The following SPAG16 variants were observed in gnomAD, a reference collection of about 807,000 sequenced individuals.
SPAG16 encodes sperm-associated antigen 16 protein.
In SPAG16, 86 loss-of-function variants were observed where a neutral mutation model predicts 80.4. That is an observed-to-expected ratio of 1.07 (90% CI 0.90 to 1.28). The LOEUF (loss-of-function observed/expected upper bound fraction) is 1.28, where lower values mean the gene tolerates loss of function less well. SPAG16 is among the 50% of genes most tolerant of loss of function. The pLI, the probability that SPAG16 is intolerant of heterozygous loss-of-function variation, is 0.00. For synonymous variants in SPAG16, 294 were observed against 265.9 expected (o/e 1.11, Z -1.03); for missense variants, 870 against 765.3 (o/e 1.14, Z -1.61).
intron 1 of SPAG16, among the ~76,000 whole-genome samples, chr2:213,293,365 C>A (rs998849446): frequency 1.3e-5 from 2 of 152,202 alleles, no homozygotes; most frequent in African/African-American, 2.4e-5. Flanking sequence ...AATATTCATG[C>A]TCTTGTGTAA....
chr2:213,489,824 A>G (rs1290421292), intron 9 of SPAG16, 139 bp from the exon 10 acceptor site: 1 of 592,906 alleles, frequency 1.7e-6, no homozygotes, highest in Admixed American at 4.2e-5. Context: ...TCTCAAAACT[A>G]AAATTGGAAA....
chr2:214,023,356 C>T (rs1163777185), intron 13 of SPAG16, among the ~76,000 whole-genome samples: 1 of 151,282 alleles, frequency 6.6e-6, no homozygotes, highest in Non-Finnish European at 1.5e-5. Context: ...CACATCTTTC[C>T]CTAGAGGAGT....
chr2:213,653,184 G>GAT (rs1347017968), intron 10 of SPAG16, among the ~76,000 whole-genome samples: 1 of 152,142 alleles, frequency 6.6e-6, no homozygotes, highest in East Asian at 1.9e-4. Flanking sequence ...TTAGCTTCAT[G>GAT]TGCAAACGAC....
rs373810117 is a variant in SPAG16 at position 214,136,269 on chromosome 2, A to C, written c.1594-12871A>C. Among the ~76,000 whole-genome samples the C allele has an allele frequency of 1.6e-4, 25 of 152,298 alleles. 1 individual carries two copies. In the East Asian group the frequency reaches 4.1e-3, roughly 25 times the overall value. ...TTTCAACATGAGACTTAGTGGGGCC[A>C]CACTAACCATATCCAAACCATAGCA... On this transcript the variant is annotated intron_variant, in intron 14 of 15. Transcript: ENST00000331683.
chr2:213,912,940 G>A (rs1040757972), intron 11 of SPAG16, among the ~76,000 whole-genome samples: 4 of 152,004 alleles, frequency 2.6e-5, no homozygotes, highest in African/African-American at 4.8e-5. Context: ...ATCATTTATA[G>A]GATAGAAATC....
At chr2:213,810,352 T>TG (rs1360710938) in intron 10 of SPAG16, among the ~76,000 whole-genome samples, 6 of 152,184 alleles carry the variant, frequency 3.9e-5, no homozygotes, top group Admixed American at 3.9e-4. Context: ...AGAAAGAGTA[T>TG]GAGGTCTCCC....
chr2:213,740,709 G>A (rs1185404324), intron 10 of SPAG16, among the ~76,000 whole-genome samples: 2 of 152,246 alleles, frequency 1.3e-5, no homozygotes, highest in African/African-American at 4.8e-5. Flanking sequence ...CTCAGTGAGA[G>A]GCTGTGGCAA....
intron 10 of SPAG16, among the ~76,000 whole-genome samples, chr2:213,781,443 C>A (rs2069960260): frequency 6.6e-6 from 1 of 152,074 alleles, no homozygotes; most frequent in Non-Finnish European, 1.5e-5. Context: ...TTCTTCCTGC[C>A]TTCTTAATGC....
At chr2:213,862,653 T>C in intron 11 of SPAG16, 25 bp downstream of exon 11, 1 of 1,612,622 alleles carries the variant, frequency 6.2e-7, no homozygotes, top group Non-Finnish European at 8.5e-7. Flanking sequence ...CCCCTAGAAA[T>C]AGCCTAATCT....
intron 11 of SPAG16, among the ~76,000 whole-genome samples, chr2:213,869,317 C>T (rs1187050803): frequency 5.6e-5 from 5 of 89,728 alleles, no homozygotes; most frequent in African/African-American, 1.3e-4. Flanking sequence ...AATATGTATA[C>T]ACACACACAT....
chr2:213,896,867 ATC>A, intron 11 of SPAG16, among the ~76,000 whole-genome samples: 1 of 152,128 alleles, frequency 6.6e-6, no homozygotes, highest in Middle Eastern at 3.4e-3. Context: ...AAAAAAGTGA[ATC>A]TCATAATTAA....
At chr2:214,248,782 TAAG>T (rs1334955000) in intron 15 of SPAG16, among the ~76,000 whole-genome samples, 1 of 152,028 alleles carries the variant, frequency 6.6e-6, no homozygotes, top group African/African-American at 2.4e-5. Flanking sequence ...TAATGCATAA[TAAG>T]AGAATAGCAA....
At chr2:214,073,591 G>T (rs754437933) in intron 13 of SPAG16, among the ~76,000 whole-genome samples, 14 of 152,060 alleles carry the variant, frequency 9.2e-5, no homozygotes, top group Non-Finnish European at 1.6e-4. Context: ...TGCATTGGAA[G>T]AACTCAATAG....
intron 10 of SPAG16, among the ~76,000 whole-genome samples, chr2:213,646,340 T>C (rs1296335069): frequency 1.3e-5 from 2 of 152,186 alleles, no homozygotes; most frequent in Non-Finnish European, 2.9e-5. Context: ...TTGCTCTGCC[T>C]CTTCTCTAGA....
At chr2:213,913,332 T>A (rs2077765500) in intron 11 of SPAG16, among the ~76,000 whole-genome samples, 1 of 152,152 alleles carries the variant, frequency 6.6e-6, no homozygotes, top group African/African-American at 2.4e-5. Context: ...ATACAAACAA[T>A]GCTCCAAGGA....
At chr2:214,374,853 G>T (rs774520404) in intron 15 of SPAG16, among the ~76,000 whole-genome samples, 1 of 152,180 alleles carries the variant, frequency 6.6e-6, no homozygotes, top group Non-Finnish European at 1.5e-5. Flanking sequence ...TCCTTCCTGG[G>T]AGAGGGCACT....
chr2:214,274,241 C>G (rs1692275869), intron 15 of SPAG16, among the ~76,000 whole-genome samples: 1 of 152,184 alleles, frequency 6.6e-6, no homozygotes, highest in South Asian at 2.1e-4. Flanking sequence ...CATCTGCAAA[C>G]AGGGACAATT....
intron 15 of SPAG16, among the ~76,000 whole-genome samples, chr2:214,206,172 C>G (rs2058139567): frequency 6.6e-6 from 1 of 150,812 alleles, no homozygotes; most frequent in Non-Finnish European, 1.5e-5. Context: ...GAGTGACACT[C>G]TGTCTCAAAA....
intron 3 of SPAG16, among the ~76,000 whole-genome samples, chr2:213,304,713 C>G (rs1415405840): frequency 6.6e-6 from 1 of 151,868 alleles, no homozygotes; most frequent in Admixed American, 6.6e-5. Flanking sequence ...TTTCTGTGTG[C>G]TCTGTTCTGT....
Sources: gnomAD v4.1 joint callset for allele counts (sites outside exome capture counted in the v4.1 genomes callset) on GRCh38, gnomAD v4.1.1 for gene constraint, MANE v1.5 for transcripts, NCBI Gene and HGNC (gene_info 2026-07-23, HGNC 2026-07-21) for gene names.